ZNF536: variants seen among roughly 807,000 people sequenced by gnomAD.
ZNF536 encodes the protein zinc finger protein 536.
In ZNF536, 13 loss-of-function variants were observed where a neutral mutation model predicts 84.5. The ratio of observed to expected loss-of-function variants is 0.15; its 90% CI spans 0.10 to 0.24. ZNF536 has a LOEUF of 0.24. ZNF536 is among the 10% of genes least tolerant of loss of function. The pLI, the probability that ZNF536 is intolerant of heterozygous loss-of-function variation, is 1.00. For synonymous variants in ZNF536, 811 were observed against 742.5 expected (o/e 1.09, Z -1.50); for missense variants, 1,536 against 1,747.5 (o/e 0.88, Z 2.16).
At chr19:30,316,237 C>T (rs1359481079) in intron 2 of ZNF536, among the ~76,000 whole-genome samples, 1 of 152,168 alleles carries the variant, frequency 6.6e-6, no homozygotes, top group African/African-American at 2.4e-5. Context: ...GTATACATGT[C>T]TACCAATATT....
chr19:30,379,888 T>G (rs2048958326), intron 1 of ZNF536, among the ~76,000 whole-genome samples: 1 of 152,154 alleles, frequency 6.6e-6, no homozygotes, highest in Non-Finnish European at 1.5e-5. Context: ...CCTACTTACC[T>G]TGCCTAATTT....
At chr19:30,649,817 AT>A (rs2049630324) in intron 1 of ZNF536, among the ~76,000 whole-genome samples, 1 of 152,082 alleles carries the variant, frequency 6.6e-6, no homozygotes, top group African/African-American at 2.4e-5. Flanking sequence ...AATTACACAT[AT>A]TTGATTTGCC....
chr19:30,688,667 G>C (rs566959282), intron 1 of ZNF536, among the ~76,000 whole-genome samples: 2 of 152,276 alleles, frequency 1.3e-5, no homozygotes, highest in East Asian at 3.9e-4. Context: ...ACTCTCACAT[G>C]GTTGCTTTAA....
chr19:30,400,857 A>G (rs2050017455), intron 1 of ZNF536, among the ~76,000 whole-genome samples: 1 of 152,156 alleles, frequency 6.6e-6, no homozygotes, highest in Non-Finnish European at 1.5e-5. Flanking sequence ...AAAAAATTTA[A>G]TTTTGACAAA....
chr19:30,248,322 T>C (rs1199232058), intron 1 of ZNF536, among the ~76,000 whole-genome samples: 1 of 144,176 alleles, frequency 6.9e-6, no homozygotes, highest in Non-Finnish European at 1.5e-5. Flanking sequence ...CCTGGGCTCC[T>C]GGGTCCAAGT....
chr19:30,535,938 G>A (rs1431421165), intron 3 of ZNF536, among the ~76,000 whole-genome samples: 1 of 152,118 alleles, frequency 6.6e-6, no homozygotes, highest in African/African-American at 2.4e-5. Context: ...CGCGTGGGGG[G>A]AGACAAGAAA....
chr19:30,353,341 G>A (rs763370481), intron 3 of ZNF536, among the ~76,000 whole-genome samples: 4 of 152,066 alleles, frequency 2.6e-5, no homozygotes, highest in African/African-American at 4.8e-5. Context: ...TAATATCGTA[G>A]GAGAAAAATA....
At chr19:30,531,469 G>C (rs962621051) in intron 2 of ZNF536, among the ~76,000 whole-genome samples, 1 of 151,724 alleles carries the variant, frequency 6.6e-6, no homozygotes, top group Admixed American at 6.6e-5. Context: ...GAAGATTCAG[G>C]GGGTACATGT....
intron 2 of ZNF536, among the ~76,000 whole-genome samples, chr19:30,517,860 T>C (rs1271435713): frequency 6.6e-6 from 1 of 152,208 alleles, no homozygotes; most frequent in Non-Finnish European, 1.5e-5. Flanking sequence ...ATTAAACCTT[T>C]GCATCTCAAT....
intron 1 of ZNF536, among the ~76,000 whole-genome samples, chr19:30,412,671 TCTC>T (rs2050544757): frequency 2.0e-5 from 3 of 151,856 alleles, no homozygotes; most frequent in Non-Finnish European, 4.4e-5. Flanking sequence ...CTTTTCCCCT[TCTC>T]CTTCTTCTCC....
intron 1 of ZNF536, among the ~76,000 whole-genome samples, chr19:30,267,382 C>G (rs763732710): frequency 6.6e-6 from 1 of 152,096 alleles, no homozygotes; most frequent in African/African-American, 2.4e-5. Flanking sequence ...TTATAATAAT[C>G]TTTCATTCTT....
chr19:30,597,160 C>T (rs1205424336), intron 1 of ZNF536, among the ~76,000 whole-genome samples: 3 of 152,252 alleles, frequency 2.0e-5, no homozygotes, highest in Admixed American at 1.3e-4. Context: ...CGCAAGCATG[C>T]ATGCCCAGTT....
chr19:30,402,103 G>T (rs922779376), intron 1 of ZNF536, among the ~76,000 whole-genome samples: 2 of 152,188 alleles, frequency 1.3e-5, no homozygotes, highest in Non-Finnish European at 2.9e-5. Flanking sequence ...TTTTTCTATA[G>T]TTCTCAGCCC....
chr19:30,627,684 C>T (rs4805590), intron 1 of ZNF536, among the ~76,000 whole-genome samples: 63,966 of 151,858 alleles, frequency 0.42, 14,800 homozygotes, highest in Admixed American at 0.53. Context: ...TCCGCAGATT[C>T]TCTGAAGGCT....
chr19:30,443,325 G>C (rs2052151390), intron 1 of ZNF536, among the ~76,000 whole-genome samples: 1 of 152,226 alleles, frequency 6.6e-6, no homozygotes, highest in African/African-American at 2.4e-5. Context: ...ATTGCAGTCT[G>C]TAAATAGAAA....
rs370632130 is a variant in ZNF536, at chr19:30,258,250, C to T, written c.-189-25822C>T. 3.7e-3 allele frequency among the ~76,000 whole-genome samples: 567 copies of T among 152,294 alleles called. 5 individuals are homozygous for T. Among genetic ancestry groups the T allele is most frequent in the African/African-American group, 0.012 (514 of 41,554 alleles). On this transcript the variant is annotated intron_variant, in intron 1 of 5. Coordinates refer to the ZNF536 transcript ENST00000585628. ...CCTACAAAACCAATTCACCTCCAAGCCACTTCCAATGACTCTGGTGACAGA... is the reference window on the plus strand; with the variant it reads ...CCTACAAAACCAATTCACCTCCAAGTCACTTCCAATGACTCTGGTGACAGA...
At position 30,705,370 on chromosome 19, in the gene ZNF536, C is replaced by T. The variant is rs74722170; in HGVS notation, c.170-5387C>T. On this transcript the variant is annotated intron_variant, in intron 1 of 1. Coordinates refer to the ZNF536 transcript ENST00000592773. ...AATATTATGGATATAGAATAAAACG[C>T]ATTGTAAATTGTGTATAAACTAACA... 7.5e-3 allele frequency among the ~76,000 whole-genome samples: 1,145 copies of T among 151,740 alleles called. 33 individuals carry two copies. In the East Asian group the frequency reaches 0.08, roughly 11 times the overall value.
At chr19:30,347,019 C>T (rs1041415632) in intron 2 of ZNF536, among the ~76,000 whole-genome samples, 17 of 151,800 alleles carry the variant, frequency 1.1e-4, no homozygotes, top group African/African-American at 3.6e-4. Flanking sequence ...TATTTTTTGA[C>T]GTTTTAATAG....
chr19:30,684,425 C>T (rs1184680945), intron 1 of ZNF536, among the ~76,000 whole-genome samples: 1 of 152,204 alleles, frequency 6.6e-6, no homozygotes, highest in East Asian at 1.9e-4. Context: ...GTTTGAGCCA[C>T]CGCGTCTTGG....
Sources: allele counts gnomAD v4.1 joint callset (sites outside exome capture counted in the v4.1 genomes callset), GRCh38; gene constraint gnomAD v4.1.1; transcripts MANE v1.5; gene names NCBI Gene and HGNC (gene_info 2026-07-23, HGNC 2026-07-21).